MAT2A: variants seen among roughly 807,000 people sequenced by gnomAD.
MAT2A encodes S-adenosylmethionine synthase isoform type-2.
Under a neutral mutation model 43.9 loss-of-function variants are expected in MAT2A, and 3 were observed. The ratio of observed to expected loss-of-function variants is 0.07; its 90% CI spans 0.03 to 0.18. MAT2A has a LOEUF of 0.18. Among genes scored for constraint, MAT2A ranks in the 10% least tolerant of loss-of-function variants. The pLI is 1.00. For missense variants in MAT2A, 204 were observed against 489.0 expected, an observed-to-expected ratio of 0.42 and a Z score of 5.50; for synonymous variants, 200 against 168.4, an observed-to-expected ratio of 1.19 and a Z score of -1.45.
rs1691465750 is a variant in MAT2A, at chr2:85,541,063, C to T, written c.92-20C>T. 6.3e-7 allele frequency: 1 copy of T among 1,582,658 alleles called. No homozygotes were observed. The highest frequency in any genetic ancestry group is 1.7e-5 in the Admixed American group (1 of 58,142). ...TTGTTTAAAGTTAAAGAAACTGAGC[C>T]AGGAATTTCTCTTTTCCAGATAAGA... On this transcript the variant is annotated intron_variant, in intron 1 of 8. Transcript: ENST00000306434.
chr2:85,542,751 T>C lies in MAT2A; in HGVS notation c.951+4T>C, dbSNP rs1256951533. ...GTGCCGGAGGGTTCTTGTTCAGGTATACACTCTTTATATAACGAACGATTA... is the reference window on the plus strand; with the variant it reads ...GTGCCGGAGGGTTCTTGTTCAGGTACACACTCTTTATATAACGAACGATTA... On this transcript the variant is annotated splice_donor_region_variant and intron_variant, in intron 7 of 8. Transcript: ENST00000306434. The C allele has an allele frequency of 5.0e-6, 8 of 1,602,686 alleles. No homozygotes were observed. Among genetic ancestry groups the C allele is most frequent in the Admixed American group, 1.7e-5 (1 of 58,896 alleles).
Position 85,545,116 on chromosome 2 carries a change from G to GT in MAT2A, c.*1345dup, listed in dbSNP as rs976174967. 3 of 152,646 alleles carry GT rather than the reference G, an allele frequency of 2.0e-5. No homozygotes were observed. Among genetic ancestry groups the GT allele is most frequent in the South Asian group, 2.1e-4 (1 of 4,828 alleles). The allele number at this position is 152,646 out of a possible 1,614,324, so 9.5% of individuals were successfully genotyped here. A position where few individuals can be genotyped will look rare whatever the true frequency, so the allele number is the denominator to read the frequency against. On this transcript the variant is annotated 3_prime_UTR_variant, in exon 9 of 9. Coordinates refer to ENST00000306434, the MANE Select transcript of MAT2A (RefSeq NM_005911.6). ...GCCATGGAGAAAGCTGACTTGGCTG[G>GT]TGTGGTACAGAGAAGCCAGCTTGTT...
intron 6 of MAT2A, 34 bp from the exon 7 acceptor site, chr2:85,542,531 T>G: frequency 1.3e-6 from 2 of 1,595,096 alleles, no homozygotes; most frequent in Admixed American, 3.4e-5. Context: ...TGGAAAGCAC[T>G]AGGCGTAAAG....
At chr2:85,542,402 A>AT in intron 6 of MAT2A, 29 bp downstream of exon 6, 1 of 1,601,996 alleles carries the variant, frequency 6.2e-7, no homozygotes, top group Non-Finnish European at 8.5e-7. Flanking sequence ...ATTTTTCTGG[A>AT]TTTTTGATGG....
chr2:85,541,553 G>A, intron 3 of MAT2A, 80 bp from the exon 4 acceptor site: 2 of 1,325,330 alleles, frequency 1.5e-6, no homozygotes, highest in Non-Finnish European at 2.1e-6. Flanking sequence ...TTCTTCAGCA[G>A]TGTTTAGAAT....
At chr2:85,543,089 G>A (rs142659421) in intron 8 of MAT2A, 55 bp downstream of exon 8, 3 of 1,575,552 alleles carry the variant, frequency 1.9e-6, no homozygotes, top group South Asian at 2.3e-5. Flanking sequence ...GGGTGTGTGT[G>A]TATATACTTA....
At chr2:85,541,775 C>T (rs759071869) in intron 4 of MAT2A, 30 bp downstream of exon 4, 24 of 1,613,468 alleles carry the variant, frequency 1.5e-5, no homozygotes, top group Non-Finnish European at 1.9e-5. Context: ...GTTTTAATCT[C>T]TTCTAACATT....
intron 6 of MAT2A, 90 bp from the exon 7 acceptor site, chr2:85,542,475 G>A (rs145744537): frequency 1.4e-5 from 22 of 1,527,218 alleles, no homozygotes; most frequent in Middle Eastern, 1.7e-4. Context: ...GTGAATCATC[G>A]GAGGATATTT....
rs746976689 is a variant in MAT2A, at chr2:85,541,676, A to G, written c.336A>G (p.Gln112=). The change falls in exon 4 of 9, where the codon CAA becomes CAG. Residue 112 remains glutamine, a synonymous_variant. Coordinates refer to ENST00000306434, the MANE Select transcript of MAT2A (RefSeq NM_005911.6). ...GTAACGTGCTGGTAGCCTTGGAGCA[A>G]CAGTCACCAGATATTGCTCAAGGTG... is the stretch of plus-strand genomic sequence containing the variant. ...KTCNVLVALE[Q]QSPDIAQGVH... is the part of the protein sequence containing the mutation. 1.6e-5 allele frequency: 26 copies of G among 1,613,718 alleles called. No individual in the cohort carries two copies. Among genetic ancestry groups the G allele is most frequent in the East Asian group, 1.1e-4 (5 of 44,900 alleles).
intron 1 of MAT2A, 186 bp downstream of exon 1, chr2:85,539,564 T>A: frequency 2.1e-6 from 1 of 480,766 alleles, no homozygotes; most frequent in Non-Finnish European, 3.7e-6. Context: ...CCGCTCCTCT[T>A]CCCCCTCCCC....
rs1218975506 is a variant in MAT2A at position 85,543,945 on chromosome 2, G to C, written c.*173G>C. 1.6e-5 allele frequency: 9 copies of C among 559,724 alleles called. No homozygotes were observed. Among genetic ancestry groups the C allele is most frequent in the Non-Finnish European group, 2.9e-5 (9 of 309,098 alleles). 34.7% of individuals were successfully genotyped at this position (559,724 alleles called of 1,614,324 possible). On this transcript the variant is annotated 3_prime_UTR_variant, in exon 9 of 9. Coordinates refer to ENST00000306434, the MANE Select transcript of MAT2A (RefSeq NM_005911.6). ...TAGCTTTTGTGGGGGACTGTAAGTT[G>C]GGCTTGCTATTCTGTCCCTAGGTGT... is the stretch of plus-strand genomic sequence containing the variant.
chr2:85,541,480 A>AGT (rs1691476182), intron 3 of MAT2A, 103 bp downstream of exon 3: 8 of 1,416,274 alleles, frequency 5.6e-6, no homozygotes, highest in Non-Finnish European at 7.8e-6. Context: ...GTTGTATCTT[A>AGT]CTATACACTA....
intron 1 of MAT2A, among the ~76,000 whole-genome samples, chr2:85,540,328 G>GTCTGGTCAGTTTACTGTGCCC (rs1274241533): frequency 6.6e-5 from 10 of 152,158 alleles, no homozygotes; most frequent in Non-Finnish European, 1.2e-4. Flanking sequence ...TGGCTTTAGG[G>GTCTGGTCAGTTTACTGTGCCC]TCTGGTCAGT....
rs947820921 is a variant in MAT2A at position 85,542,162 on chromosome 2, T to C, written c.557T>C (p.Val186Ala). ...ACCTGTGTTGCCTTCAAGGTTACTG[T>C]GCAGTATATGCAGGATCGAGGTGCT... is the stretch of plus-strand genomic sequence containing the variant. Reference protein sequence around the residue: ...LRPDSKTQVTVQYMQDRGAVL... With the variant: ...LRPDSKTQVTAQYMQDRGAVL... Residue 186 changes from valine to alanine, a missense_variant, in exon 6 of 9, where the codon GTG becomes GCG. Physicochemically the swap from Val to Ala is moderately conservative, Grantham distance 64 (BLOSUM62 0). This residue lies in a region of MAT2A where 103 missense variants were observed against 226.4 expected (regional missense o/e 0.45). Coordinates refer to ENST00000306434, the MANE Select transcript of MAT2A (RefSeq NM_005911.6). The C allele has an allele frequency of 6.2e-7, 1 of 1,613,622 alleles. No homozygotes were observed. Among genetic ancestry groups the C allele is most frequent in the Non-Finnish European group, 8.5e-7 (1 of 1,179,630 alleles).
At chr2:85,540,687 A>G (rs535069833) in intron 1 of MAT2A, among the ~76,000 whole-genome samples, 1 of 152,288 alleles carries the variant, frequency 6.6e-6, no homozygotes, top group Admixed American at 6.5e-5. Context: ...TTAGTCAGAA[A>G]ATGCTTTTCA....
intron 8 of MAT2A, 159 bp downstream of exon 8, chr2:85,543,193 T>C: frequency 1.3e-6 from 1 of 780,260 alleles, no homozygotes. Flanking sequence ...TAGTGAAGAC[T>C]TAGTTATTTG....
Position 85,539,305 on chromosome 2 carries a change from C to G in MAT2A, c.18C>G (p.Asn6Lys). MNGQL[N>K]GFHEAFIEEG... The stretch of plus-strand genomic sequence containing the variant: ...ACACCAACATGAACGGACAGCTCAA[C>G]GGCTTCCACGAGGCGTTCATCGAGG... The change falls in exon 1 of 9, where the codon AAC becomes AAG. Residue 6 changes from asparagine to lysine, a missense_variant. By Grantham distance (94) the Asn-to-Lys change is moderately conservative. Coordinates refer to ENST00000306434, the MANE Select transcript of MAT2A (RefSeq NM_005911.6). 1 of 1,605,374 alleles carries G rather than the reference C, an allele frequency of 6.2e-7. No homozygotes were observed. The highest frequency in any genetic ancestry group is 8.5e-7 in the Non-Finnish European group (1 of 1,176,490).
chr2:85,540,976 A>T lies in MAT2A; in HGVS notation c.92-107A>T, dbSNP rs1691462545. 6 of 729,520 alleles carry T rather than the reference A, an allele frequency of 8.2e-6. No individual in the cohort carries two copies. The South Asian group carries it at 9.1e-5, about 11-fold the overall frequency. The allele number at this position is 729,520 out of a possible 1,614,324, so 45.2% of individuals were successfully genotyped here. On this transcript the variant is annotated intron_variant, in intron 1 of 8. Transcript: ENST00000306434. ...TTAAGATGTATTAAGCATGTTTTTTAAAATCTCCAAAGATTTTACAGATAG... is the reference window on the plus strand; with the variant it reads ...TTAAGATGTATTAAGCATGTTTTTTTAAATCTCCAAAGATTTTACAGATAG...
In MAT2A at chr2:85,542,737, T is replaced by C. The variant is rs1200003949; in HGVS notation, c.941T>C (p.Val314Ala). Reference sequence around the variant, plus strand: ...GTTAAAGGAGGTCTGTGCCGGAGGGTTCTTGTTCAGGTATACACTCTTTAT... The same window carrying C: ...GTTAAAGGAGGTCTGTGCCGGAGGGCTCTTGTTCAGGTATACACTCTTTAT... The part of the protein sequence containing the change: ...SLVKGGLCRR[V>A]LVQVSYAIGV... Residue 314 changes from valine to alanine, a missense_variant, in exon 7 of 9, where the codon GTT (valine) becomes GCT (alanine). Val to Ala is a moderately conservative substitution (Grantham distance 64). Around this residue, in one of 6 missense-constraint regions of MAT2A, gnomAD observed 45 missense variants for 106.8 expected, o/e 0.42. Coordinates refer to ENST00000306434, the MANE Select transcript of MAT2A (RefSeq NM_005911.6). 1 of 1,611,204 alleles carries C rather than the reference T, an allele frequency of 6.2e-7. No individual in the cohort carries two copies. The highest frequency in any genetic ancestry group is 2.2e-5 in the East Asian group (1 of 44,842).
Sources: allele counts gnomAD v4.1 joint callset (sites outside exome capture counted in the v4.1 genomes callset), GRCh38; gene constraint gnomAD v4.1.1; regional missense constraint gnomAD v4.1.1; transcripts MANE v1.5; gene names NCBI Gene and HGNC (gene_info 2026-07-23, HGNC 2026-07-21).